Variants in MED24 observed in about 807,000 individuals in gnomAD.
MED24 encodes mediator of RNA polymerase II transcription subunit 24.
In MED24, 74 loss-of-function variants were observed where a neutral mutation model predicts 118.8. That is an observed-to-expected ratio of 0.62 (90% CI 0.52 to 0.76). The LOEUF (loss-of-function observed/expected upper bound fraction) is 0.76, where lower values mean the gene tolerates loss of function less well. MED24 is among the 30% of genes least tolerant of loss of function. The probability of loss-of-function intolerance (pLI) is 0.00; values close to 1 mark genes in which losing one functional copy is unlikely to be tolerated. For missense variants in MED24, 1,041 were observed against 1,278.9 expected (o/e 0.81, Z 2.84); for synonymous variants, 521 against 523.9 (o/e 0.99, Z 0.08).
In MED24 at chr17:40,023,389, C is replaced by A; in HGVS notation, c.1992G>T (p.Val664=). 6.3e-7 allele frequency: 1 copy of A among 1,590,540 alleles called. No homozygotes were observed. The highest frequency in any genetic ancestry group is 8.6e-7 in the Non-Finnish European group (1 of 1,166,360). ...TGCGCTCCAGGATCGAGTTCATGAT[C>A]ACCACCCTGGGGGAGGGCCGAGAGA... ...NTLQFYNERV[V]IMNSILERMC... Residue 664 remains valine (V), a synonymous_variant, in exon 20 of 26, where the codon GTG becomes GTT. Coordinates refer to ENST00000394128, the MANE Select transcript of MED24 (RefSeq NM_014815.4).
chr17:40,040,329 G>A (rs1418272396), intron 3 of MED24, among the ~76,000 whole-genome samples: 6 of 151,886 alleles, frequency 4.0e-5, no homozygotes, highest in Non-Finnish European at 5.9e-5. Flanking sequence ...CACCTGCCTC[G>A]GCCTCCCAAA....
intron 9 of MED24, 38 bp downstream of exon 9, chr17:40,032,611 T>C (rs571354979): frequency 6.5e-7 from 1 of 1,538,392 alleles, no homozygotes; most frequent in African/African-American, 1.4e-5. Flanking sequence ...CTAAGAACCA[T>C]TCCTAGACTG....
At chr17:40,035,958 T>C in intron 4 of MED24, 158 bp downstream of exon 4, 1 of 1,088,838 alleles carries the variant, frequency 9.2e-7, no homozygotes, top group South Asian at 1.4e-5. Context: ...CACCAGCCCC[T>C]ACTTGCCAGG....
intron 24 of MED24, 169 bp downstream of exon 24, chr17:40,020,104 G>GCCCCCC (rs2144849172): frequency 2.6e-6 from 2 of 779,250 alleles, no homozygotes; most frequent in Non-Finnish European, 2.1e-6. Context: ...GGGAGGAGGG[G>GCCCCCC]GAACTAGACA....
At chr17:40,027,995 G>GTAGC (rs780486578) in intron 14 of MED24, 49 bp from the exon 15 acceptor site, 63 of 1,586,720 alleles carry the variant, frequency 4.0e-5, no homozygotes, top group Non-Finnish European at 5.4e-5. Context: ...GAGCTGAGCA[G>GTAGC]TAGCTGGGCG....
intron 3 of MED24, among the ~76,000 whole-genome samples, chr17:40,043,890 C>CAAAAAAAAAAACAAAAAAAAAAAA (rs1555668258): frequency 5.1e-5 from 5 of 97,462 alleles, no homozygotes; most frequent in Non-Finnish European, 1.1e-4. Flanking sequence ...GACTCCATCT[C>CAAAAAAAAAAACAAAAAAAAAAAA]AAAAAAAAAA....
intron 3 of MED24, among the ~76,000 whole-genome samples, chr17:40,052,281 AGACTCT>A (rs1400191376): frequency 6.6e-6 from 1 of 152,208 alleles, no homozygotes; most frequent in Non-Finnish European, 1.5e-5. Context: ...CGATAGAGCA[AGACTCT>A]GACTCAAAAA....
intron 1 of MED24, 52 bp from the exon 2 acceptor site, chr17:40,053,687 G>T: frequency 6.2e-7 from 1 of 1,604,260 alleles, no homozygotes. Flanking sequence ...GTTCTAAGGA[G>T]AACCGGGGAA....
chr17:40,028,205 T>C, intron 14 of MED24: 2 of 412,642 alleles, frequency 4.8e-6, no homozygotes, highest in South Asian at 4.7e-5. Flanking sequence ...AACCTCCGCC[T>C]CTGTTCAAGC....
intron 6 of MED24, 44 bp downstream of exon 6, chr17:40,035,073 T>C (rs777627043): frequency 5.6e-6 from 9 of 1,610,902 alleles, no homozygotes; most frequent in East Asian, 2.2e-5. Flanking sequence ...GGACCGGCTA[T>C]GGGAGCAGCG....
intron 12 of MED24, among the ~76,000 whole-genome samples, chr17:40,030,851 G>A (rs1395504984): frequency 2.0e-5 from 3 of 152,106 alleles, no homozygotes; most frequent in South Asian, 2.1e-4. Flanking sequence ...TAGACATGGG[G>A]TTTTGCCATG....
Position 40,026,640 on chromosome 17 carries a change from G to GAA in MED24, c.1809+6_1809+7insTT. The GAA allele has an allele frequency of 6.2e-7, 1 of 1,601,778 alleles. No homozygotes were observed. Among genetic ancestry groups the GAA allele is most frequent in the Non-Finnish European group, 8.5e-7 (1 of 1,173,602 alleles). On this transcript the variant is annotated splice_region_variant and intron_variant, in intron 18 of 25. Coordinates refer to ENST00000394128, the MANE Select transcript of MED24 (RefSeq NM_014815.4). ...GGGAGCAAACGCTGCTGGGAAGGCG[G>GAA]GGCTACCTGGATGGACTCGAAGGCC...
intron 3 of MED24, among the ~76,000 whole-genome samples, chr17:40,052,381 T>C (rs1985952115): frequency 6.6e-6 from 1 of 152,168 alleles, no homozygotes; most frequent in Non-Finnish European, 1.5e-5. Flanking sequence ...ATCACCCCAT[T>C]GTAAGTTGAG....
chr17:40,029,057 C>T, intron 13 of MED24, 89 bp from the exon 14 acceptor site: 1 of 1,547,488 alleles, frequency 6.5e-7, no homozygotes, highest in South Asian at 1.1e-5. Flanking sequence ...CTCTTCACAA[C>T]CTGGAATGTA....
intron 3 of MED24, among the ~76,000 whole-genome samples, chr17:40,047,496 C>T (rs1985358245): frequency 6.6e-6 from 1 of 150,754 alleles, no homozygotes; most frequent in Non-Finnish European, 1.5e-5. Flanking sequence ...CCCGTCTCTA[C>T]TAAAAATACA....
intron 6 of MED24, chr17:40,034,882 C>T (rs1983764739): frequency 7.3e-6 from 4 of 544,900 alleles, no homozygotes; most frequent in Non-Finnish European, 1.3e-5. Context: ...GCACCTAGCA[C>T]AGTGCTGGGT....
At chr17:40,031,343 A>G in intron 11 of MED24, 98 bp from the exon 12 acceptor site, 1 of 1,331,614 alleles carries the variant, frequency 7.5e-7, no homozygotes, top group Admixed American at 2.0e-5. Context: ...CTCTTTCAGG[A>G]TGAGGAAAAT....
chr17:40,046,703 G>A (rs369861466), intron 3 of MED24, among the ~76,000 whole-genome samples: 3 of 151,246 alleles, frequency 2.0e-5, no homozygotes, highest in Non-Finnish European at 4.4e-5. Context: ...CCGAGATCCC[G>A]CCACTGCACT....
chr17:40,045,809 G>A (rs1176163289), intron 3 of MED24, among the ~76,000 whole-genome samples: 6 of 152,080 alleles, frequency 3.9e-5, no homozygotes, highest in Admixed American at 3.3e-4. Context: ...ACAGAGTCTC[G>A]CTCTGTCAAC....
Sources: gnomAD v4.1 joint callset for allele counts (sites outside exome capture counted in the v4.1 genomes callset) on GRCh38, gnomAD v4.1.1 for gene constraint, MANE v1.5 for transcripts, NCBI Gene and HGNC (gene_info 2026-07-23, HGNC 2026-07-21) for gene names.